Variants in PCDH11X observed in about 807,000 individuals in gnomAD.
PCDH11X encodes the protein protocadherin-11 X-linked.
Under a neutral mutation model 53.3 loss-of-function variants are expected in PCDH11X, and 18 were observed. The observed-to-expected ratio is 0.34, with a 90% CI of 0.23 to 0.50. PCDH11X has a LOEUF of 0.50. Among genes scored for constraint, PCDH11X ranks in the 20% least tolerant of loss-of-function variants. The probability of loss-of-function intolerance (pLI) is 0.98; values close to 1 mark genes in which losing one functional copy is unlikely to be tolerated. For missense variants in PCDH11X, 570 were observed against 1,032.4 expected, an observed-to-expected ratio of 0.55 and a Z score of 6.14; for synonymous variants, 279 against 393.3, an observed-to-expected ratio of 0.71 and a Z score of 3.44.
At chrX:92,544,087 G>A (rs2074805051) in intron 10 of PCDH11X, among the ~76,000 whole-genome samples, 1 of 108,806 alleles carries the variant, frequency 9.2e-6, no homozygotes. Context: ...GCAGTTGTCA[G>A]ACACCTTTCA....
At chrX:91,999,763 G>T (rs2062478556) in intron 6 of PCDH11X, among the ~76,000 whole-genome samples, 1 of 108,905 alleles carries the variant, frequency 9.2e-6, no homozygotes, top group Non-Finnish European at 1.9e-5. Flanking sequence ...CTCATTGCTG[G>T]TGTTTATTCC....
rs2070040218 is a variant in PCDH11X, at chrX:92,351,227, T to C, written c.3145-36508T>C. Among the ~76,000 whole-genome samples the C allele has an allele frequency of 7.1e-5, 8 of 112,111 alleles. No individual in the cohort carries two copies. The South Asian group carries it at 2.9e-3, about 41-fold the overall frequency. The stretch of plus-strand genomic sequence containing the variant: ...GACTCACTTCTTATAAACTATTCCA[T>C]CAATTTAATTCTACTCCTACAAAGC... On this transcript the variant is annotated intron_variant, in intron 8 of 10. Coordinates refer to ENST00000682573, the MANE Select transcript of PCDH11X (RefSeq NM_032968.5).
chrX:92,394,708 G>C (rs1418260735), intron 9 of PCDH11X, among the ~76,000 whole-genome samples: 1 of 111,719 alleles, frequency 9.0e-6, no homozygotes, highest in Non-Finnish European at 1.9e-5. Flanking sequence ...AGTATAATCA[G>C]TCATTCAAGA....
rs1485072124 is a variant in PCDH11X, at chrX:91,916,424, G to A, written c.3033+37151G>A. Among the ~76,000 whole-genome samples, 4 of 111,836 alleles carry A rather than the reference G, an allele frequency of 3.6e-5. No individual in the cohort carries two copies. The East Asian group carries it at 1.1e-3, about 32-fold the overall frequency. On this transcript the variant is annotated intron_variant, in intron 6 of 10. Coordinates refer to ENST00000682573, the MANE Select transcript of PCDH11X (RefSeq NM_032968.5). ...AGATAAACAAATGGATAGACCGTTAGTGAGATTAACCAAGAAAAGAATAGA... is the reference window on the plus strand; with the variant it reads ...AGATAAACAAATGGATAGACCGTTAATGAGATTAACCAAGAAAAGAATAGA...
At chrX:91,819,770 A>T (rs1936581506) in intron 4 of PCDH11X, among the ~76,000 whole-genome samples, 1 of 99,805 alleles carries the variant, frequency 1.0e-5, no homozygotes, top group Non-Finnish European at 2.0e-5. Flanking sequence ...TGCTGCACCC[A>T]CTAACTCGTC....
chrX:92,480,071 G>A (rs1452523642), intron 10 of PCDH11X, among the ~76,000 whole-genome samples: 2 of 109,619 alleles, frequency 1.8e-5, no homozygotes, highest in African/African-American at 6.7e-5. Flanking sequence ...CCCTATTCTT[G>A]TCTGACTGTA....
chrX:92,165,453 G>A (rs1374693331), intron 6 of PCDH11X, among the ~76,000 whole-genome samples: 1 of 111,880 alleles, frequency 8.9e-6, no homozygotes, highest in Non-Finnish European at 1.9e-5. Context: ...CAGGGTATTT[G>A]TAATCACAAA....
chrX:91,807,354 T>A (rs1356101957), intron 1 of PCDH11X, among the ~76,000 whole-genome samples: 2 of 108,947 alleles, frequency 1.8e-5, no homozygotes, highest in African/African-American at 6.7e-5. Context: ...TCTAAAAAAA[T>A]TAAAAATAAA....
chrX:92,580,569 C>T (rs886346040), intron 10 of PCDH11X, among the ~76,000 whole-genome samples: 1 of 110,537 alleles, frequency 9.0e-6, no homozygotes, highest in African/African-American at 3.3e-5. Flanking sequence ...CCGGTCCAAG[C>T]AGCCCAGTCT....
At chrX:92,479,186 T>C (rs1458886095) in intron 10 of PCDH11X, among the ~76,000 whole-genome samples, 1 of 110,327 alleles carries the variant, frequency 9.1e-6, no homozygotes, top group African/African-American at 3.3e-5. Flanking sequence ...TTGAAATCCC[T>C]GCTTTTTTGT....
intron 6 of PCDH11X, among the ~76,000 whole-genome samples, chrX:92,012,038 A>G (rs56248214): frequency 4.4e-4 from 49 of 111,121 alleles, no homozygotes; most frequent in Admixed American, 4.0e-3. Context: ...TCAAAAGTCA[A>G]TCTTGACATA....
chrX:92,142,292 G>T (rs1259135912), intron 6 of PCDH11X, among the ~76,000 whole-genome samples: 1 of 109,619 alleles, frequency 9.1e-6, no homozygotes, highest in Non-Finnish European at 1.9e-5. Context: ...TAGTAGCTGG[G>T]ATTACAGGCA....
At chrX:92,320,311 G>A (rs1368224176) in intron 8 of PCDH11X, among the ~76,000 whole-genome samples, 2 of 111,282 alleles carry the variant, frequency 1.8e-5, no homozygotes, top group Non-Finnish European at 3.8e-5. Flanking sequence ...GCTGAAATGT[G>A]TATTACCTGT....
intron 6 of PCDH11X, among the ~76,000 whole-genome samples, chrX:92,154,793 CG>C (rs1269324417): frequency 3.0e-5 from 3 of 99,998 alleles, no homozygotes; most frequent in Non-Finnish European, 6.0e-5. Flanking sequence ...GGCCCGATTC[CG>C]GGGGAAAACT....
intron 8 of PCDH11X, among the ~76,000 whole-genome samples, chrX:92,347,593 C>T (rs766259986): frequency 2.7e-5 from 3 of 111,456 alleles, no homozygotes; most frequent in Non-Finnish European, 5.7e-5. Flanking sequence ...CCATTTATAC[C>T]CAGGTTTATG....
intron 6 of PCDH11X, among the ~76,000 whole-genome samples, chrX:92,042,797 C>T (rs2063230328): frequency 9.3e-6 from 1 of 107,247 alleles, no homozygotes; most frequent in South Asian, 4.2e-4. Context: ...CCCCCACACC[C>T]AGCTAATTTT....
In PCDH11X at chrX:92,038,428, G is replaced by A. The variant is rs535786080; in HGVS notation, c.3033+159155G>A. On this transcript the variant is annotated intron_variant, in intron 6 of 10. Transcript: ENST00000682573. ...AACTCAGGCCATGGCTTCAGAGGGC[G>A]CAAGCCTCAAGCTTTGGCAGTATCC... Among the ~76,000 whole-genome samples the A allele has an allele frequency of 2.4e-4, 27 of 110,980 alleles. No individual in the cohort carries two copies. The South Asian group carries it at 3.4e-3, about 14-fold the overall frequency.
chrX:92,258,377 T>C (rs762539616), intron 7 of PCDH11X, among the ~76,000 whole-genome samples: 18 of 106,984 alleles, frequency 1.7e-4, no homozygotes, highest in Admixed American at 6.0e-4. Flanking sequence ...CTTTTTTTTT[T>C]TTTTTTTTGA....
chrX:92,233,165 T>C (rs756578874), intron 7 of PCDH11X, among the ~76,000 whole-genome samples: 2 of 111,750 alleles, frequency 1.8e-5, no homozygotes, highest in South Asian at 3.8e-4. Flanking sequence ...ATAATTCTTA[T>C]TGTGTATTGC....
Sources: gnomAD v4.1 joint callset for allele counts (sites outside exome capture counted in the v4.1 genomes callset) on GRCh38, gnomAD v4.1.1 for gene constraint, MANE v1.5 for transcripts, NCBI Gene and HGNC (gene_info 2026-07-23, HGNC 2026-07-21) for gene names.